NELL1: variants seen among roughly 807,000 people sequenced by gnomAD.
NELL1 encodes protein kinase C-binding protein NELL1.
A neutral mutation model predicts 107.4 loss-of-function variants in NELL1; 76 were observed. That is an observed-to-expected ratio of 0.71 (90% CI 0.59 to 0.86). The LOEUF is 0.86. NELL1 is among the 40% of genes least tolerant of loss of function. The probability of loss-of-function intolerance (pLI) is 0.00; values close to 1 mark genes in which losing one functional copy is unlikely to be tolerated. For missense variants in NELL1, 1,024 were observed against 1,005.5 expected, an observed-to-expected ratio of 1.02 and a Z score of -0.25; for synonymous variants, 353 against 341.2, an observed-to-expected ratio of 1.03 and a Z score of -0.38.
At chr11:20,798,597 G>A (rs80340328) in intron 3 of NELL1, among the ~76,000 whole-genome samples, 2 of 152,152 alleles carry the variant, frequency 1.3e-5, no homozygotes, top group African/African-American at 4.8e-5. Flanking sequence ...GTTCTGTGGT[G>A]AGAAATGTGG....
chr11:21,136,087 G>A (rs1855738457), intron 13 of NELL1, among the ~76,000 whole-genome samples: 1 of 152,180 alleles, frequency 6.6e-6, no homozygotes, highest in Non-Finnish European at 1.5e-5. Flanking sequence ...GATCCAGAGG[G>A]CTAAATTACA....
chr11:21,006,038 G>A (rs1290905345), intron 12 of NELL1, among the ~76,000 whole-genome samples: 1 of 142,806 alleles, frequency 7.0e-6, no homozygotes, highest in African/African-American at 2.9e-5. Context: ...TCATAGATTT[G>A]GGGGGGGGAG....
chr11:21,326,608 C>A (rs1850148187), intron 14 of NELL1, among the ~76,000 whole-genome samples: 1 of 151,952 alleles, frequency 6.6e-6, no homozygotes, highest in African/African-American at 2.4e-5. Flanking sequence ...ATCCAAATTT[C>A]TGTCTGATAT....
chr11:21,561,405 C>T (rs907122604), intron 17 of NELL1, among the ~76,000 whole-genome samples: 2 of 152,090 alleles, frequency 1.3e-5, no homozygotes, highest in African/African-American at 4.8e-5. Context: ...AACCTAGTTT[C>T]CCACACTCCA....
At chr11:21,027,852 C>T (rs1852855395) in intron 12 of NELL1, among the ~76,000 whole-genome samples, 2 of 152,140 alleles carry the variant, frequency 1.3e-5, no homozygotes, top group African/African-American at 4.8e-5. Context: ...TTAAAAGGCA[C>T]TACAAGGAGT....
At chr11:20,939,051 T>C (rs2134187385) in intron 10 of NELL1, among the ~76,000 whole-genome samples, 1 of 152,080 alleles carries the variant, frequency 6.6e-6, no homozygotes, top group Non-Finnish European at 1.5e-5. Context: ...GAGCACCAGA[T>C]TAATTTGAAT....
chr11:21,450,220 C>A (rs1853543696), intron 15 of NELL1, among the ~76,000 whole-genome samples: 3 of 152,238 alleles, frequency 2.0e-5, no homozygotes, highest in Admixed American at 1.3e-4. Flanking sequence ...AATCTGATAG[C>A]AAAACTCAGA....
intron 15 of NELL1, among the ~76,000 whole-genome samples, chr11:21,412,654 A>T (rs1852407714): frequency 6.6e-6 from 1 of 152,090 alleles, no homozygotes; most frequent in South Asian, 2.1e-4. Context: ...TCAGGAAGAA[A>T]ATTTACATCA....
At chr11:21,096,275 C>G (rs899396776) in intron 12 of NELL1, among the ~76,000 whole-genome samples, 4 of 152,146 alleles carry the variant, frequency 2.6e-5, no homozygotes, top group African/African-American at 9.7e-5. Flanking sequence ...CTTTGGAAAC[C>G]TTATTGCATT....
chr11:21,296,554 AT>A (rs1236795958), intron 14 of NELL1, among the ~76,000 whole-genome samples: 1 of 152,030 alleles, frequency 6.6e-6, no homozygotes, highest in Non-Finnish European at 1.5e-5. Context: ...AAAACACTTA[AT>A]AACACAGTTC....
intron 1 of NELL1, among the ~76,000 whole-genome samples, chr11:20,677,612 T>A (rs1251061090): frequency 2.0e-5 from 3 of 152,166 alleles, no homozygotes. Context: ...AAATGTTACA[T>A]AAAATGTAGT....
chr11:21,061,555 C>G (rs1853741973), intron 12 of NELL1, among the ~76,000 whole-genome samples: 1 of 152,142 alleles, frequency 6.6e-6, no homozygotes, highest in South Asian at 2.1e-4. Context: ...ATACTTTTGT[C>G]TACCCATCTG....
chr11:21,117,922 C>T (rs1855275869), intron 13 of NELL1, among the ~76,000 whole-genome samples: 1 of 152,004 alleles, frequency 6.6e-6, no homozygotes. Context: ...TGAGAAAATA[C>T]TGTCCTACCT....
intron 14 of NELL1, among the ~76,000 whole-genome samples, chr11:21,264,234 A>G (rs1210525802): frequency 6.6e-6 from 1 of 151,890 alleles, no homozygotes; most frequent in Non-Finnish European, 1.5e-5. Context: ...CTTAGGAGGA[A>G]GAGACCGAGA....
At chr11:20,783,654 C>A (rs1856895352) in intron 2 of NELL1, 26 bp from the exon 3 acceptor site, 1 of 1,591,636 alleles carries the variant, frequency 6.3e-7, no homozygotes, top group Admixed American at 1.7e-5. Flanking sequence ...CTCCTGTTTC[C>A]TCCTGCTTTT....
intron 14 of NELL1, among the ~76,000 whole-genome samples, chr11:21,285,245 C>T (rs935572943): frequency 1.3e-5 from 2 of 152,108 alleles, no homozygotes; most frequent in Admixed American, 1.3e-4. Flanking sequence ...CCCTTCTCTA[C>T]GATATTATAT....
chr11:21,472,932 T>C (rs1355619648), intron 15 of NELL1, among the ~76,000 whole-genome samples: 1 of 151,964 alleles, frequency 6.6e-6, no homozygotes, highest in Non-Finnish European at 1.5e-5. Context: ...TAAAACATTA[T>C]TTAAAGTGCC....
chr11:21,386,192 A>T (rs1564869971), intron 15 of NELL1, among the ~76,000 whole-genome samples: 1 of 151,452 alleles, frequency 6.6e-6, no homozygotes, highest in Non-Finnish European at 1.5e-5. Flanking sequence ...CCAAAAAAAA[A>T]CCCTTCAAAG....
chr11:20,896,517 A>G (rs1849741937), intron 5 of NELL1, among the ~76,000 whole-genome samples: 1 of 152,078 alleles, frequency 6.6e-6, no homozygotes, highest in South Asian at 2.1e-4. Flanking sequence ...ATCAAATGGT[A>G]TTTCCACTTT....
Sources: allele counts gnomAD v4.1 joint callset (sites outside exome capture counted in the v4.1 genomes callset), GRCh38; gene constraint gnomAD v4.1.1; transcripts MANE v1.5; gene names NCBI Gene and HGNC (gene_info 2026-07-23, HGNC 2026-07-21).